The following TYR variants were observed in gnomAD, a reference collection of about 807,000 sequenced individuals.
The protein encoded by TYR is LB24-AB.
A neutral mutation model predicts 51.5 loss-of-function variants in TYR; 58 were observed. The ratio of observed to expected loss-of-function variants is 1.13; its 90% CI spans 0.91 to 1.40. The LOEUF is 1.40. Ranked by LOEUF, TYR falls within the 40% of genes most tolerant of loss-of-function variation. TYR has a pLI of 0.00. For missense variants in TYR, 732 were observed against 647.4 expected, an observed-to-expected ratio of 1.13 and a Z score of -1.42; for synonymous variants, 263 against 235.2, an observed-to-expected ratio of 1.12 and a Z score of -1.08.
intron 3 of TYR, among the ~76,000 whole-genome samples, chr11:89,264,735 CAAAA>C (rs11453031): frequency 1.5e-5 from 2 of 135,396 alleles, no homozygotes; most frequent in South Asian, 2.3e-4. Flanking sequence ...ACTATGCAGC[CAAAA>C]AAAAAAAACA....
chr11:89,179,409 T>G (rs889358945), intron 1 of TYR, among the ~76,000 whole-genome samples: 1 of 152,212 alleles, frequency 6.6e-6, no homozygotes, highest in Non-Finnish European at 1.5e-5. Context: ...ATGGCTAATA[T>G]TCATTGAACA....
intron 1 of TYR, among the ~76,000 whole-genome samples, chr11:89,187,951 A>G (rs563828471): frequency 1.9e-4 from 29 of 151,928 alleles, no homozygotes; most frequent in African/African-American, 6.7e-4. Context: ...CAAAAATATT[A>G]GCACTTTAAG....
chr11:89,272,749 C>T (rs660491), intron 3 of TYR, among the ~76,000 whole-genome samples: 1,792 of 152,036 alleles, frequency 0.012, 34 homozygotes, highest in African/African-American at 0.041. Flanking sequence ...TGGCTTTCAT[C>T]TCTTATCTTA....
At chr11:89,268,951 T>C (rs1944557690) in intron 3 of TYR, among the ~76,000 whole-genome samples, 1 of 152,018 alleles carries the variant, frequency 6.6e-6, no homozygotes, top group South Asian at 2.1e-4. Context: ...CTTTCTCGTT[T>C]CCCATCTGGT....
intron 4 of TYR, among the ~76,000 whole-genome samples, chr11:89,292,039 C>CT (rs767100084): frequency 5.4e-4 from 82 of 151,178 alleles, no homozygotes; most frequent in East Asian, 1.2e-3. Flanking sequence ...GGAATTAAGA[C>CT]TTTTTTTTTC....
At chr11:89,194,602 T>G (rs2135255865) in intron 2 of TYR, among the ~76,000 whole-genome samples, 1 of 152,320 alleles carries the variant, frequency 6.6e-6, no homozygotes, top group Admixed American at 6.5e-5. Context: ...CTTTTAAATT[T>G]ATTAGCCAAT....
chr11:89,254,747 A>G (rs1454846274), intron 3 of TYR, among the ~76,000 whole-genome samples: 2 of 151,526 alleles, frequency 1.3e-5, no homozygotes, highest in Non-Finnish European at 3.0e-5. Flanking sequence ...ATGCTCTATC[A>G]ATTTTATTTA....
chr11:89,253,683 G>A lies in TYR; in HGVS notation c.1184+25713G>A, dbSNP rs537580332. The stretch of plus-strand genomic sequence containing the variant: ...TTTGTGTACATTAATTTTGTATAAC[G>A]AAACTTTGCTGAATTCATTTATCAA... On this transcript the variant is annotated intron_variant, in intron 3 of 4. Coordinates refer to ENST00000263321, the MANE Select transcript of TYR (RefSeq NM_000372.5). Among the ~76,000 whole-genome samples the A allele has an allele frequency of 6.2e-5, 9 of 145,206 alleles. No homozygotes were observed. In the South Asian group the frequency reaches 1.0e-3, roughly 17 times the overall value.
At chr11:89,224,929 ATT>A (rs10671315) in intron 2 of TYR, among the ~76,000 whole-genome samples, 3,194 of 149,914 alleles carry the variant, frequency 0.021, 108 homozygotes, top group African/African-American at 0.072. Flanking sequence ...TGTAAAAACT[ATT>A]TTTTTTTTTG....
chr11:89,211,301 AG>A (rs913910592), intron 2 of TYR, among the ~76,000 whole-genome samples: 1 of 152,096 alleles, frequency 6.6e-6, no homozygotes, highest in Admixed American at 6.6e-5. Flanking sequence ...AAAAGAAAAA[AG>A]CAGGGGTTGC....
chr11:89,258,872 G>A (rs1944425455), intron 3 of TYR, among the ~76,000 whole-genome samples: 1 of 151,992 alleles, frequency 6.6e-6, no homozygotes, highest in Admixed American at 6.6e-5. Flanking sequence ...GCAGAGTGGG[G>A]AGCAGCCAGT....
At chr11:89,282,772 A>C (rs1448306518) in intron 3 of TYR, among the ~76,000 whole-genome samples, 1 of 151,746 alleles carries the variant, frequency 6.6e-6, no homozygotes, top group Non-Finnish European at 1.5e-5. Flanking sequence ...TCAGAATACT[A>C]ACCATCACTA....
At chr11:89,249,038 TA>T (rs948729941) in intron 3 of TYR, among the ~76,000 whole-genome samples, 1 of 152,080 alleles carries the variant, frequency 6.6e-6, no homozygotes, top group Non-Finnish European at 1.5e-5. Context: ...GGGTAAGTAA[TA>T]AATTTAGCAA....
At chr11:89,252,950 G>C (rs1334821785) in intron 3 of TYR, among the ~76,000 whole-genome samples, 2 of 151,736 alleles carry the variant, frequency 1.3e-5, no homozygotes, top group Non-Finnish European at 3.0e-5. Flanking sequence ...TGCTTCTGAA[G>C]TACAAAGTGG....
intron 3 of TYR, among the ~76,000 whole-genome samples, chr11:89,229,253 TAA>T (rs919354965): frequency 2.0e-5 from 3 of 151,994 alleles, no homozygotes; most frequent in Non-Finnish European, 4.4e-5. Flanking sequence ...CAGTCTGTGT[TAA>T]GTTTTATTCA....
chr11:89,232,288 G>C (rs1004653827), intron 3 of TYR, among the ~76,000 whole-genome samples: 4 of 143,018 alleles, frequency 2.8e-5, no homozygotes, highest in Non-Finnish European at 6.0e-5. Flanking sequence ...TAAAAGTTAC[G>C]TTTATGGAAT....
At chr11:89,255,215 T>G (rs1944375599) in intron 3 of TYR, among the ~76,000 whole-genome samples, 1 of 151,542 alleles carries the variant, frequency 6.6e-6, no homozygotes. Context: ...TTTATTAAGA[T>G]TTGTTTTGTG....
chr11:89,255,508 G>C (rs1475773693), intron 3 of TYR, among the ~76,000 whole-genome samples: 2 of 151,718 alleles, frequency 1.3e-5, no homozygotes, highest in African/African-American at 2.4e-5. Context: ...ATGTTTGGCA[G>C]AATTCACCAA....
At chr11:89,229,844 G>A (rs1944023894) in intron 3 of TYR, among the ~76,000 whole-genome samples, 1 of 151,942 alleles carries the variant, frequency 6.6e-6, no homozygotes, top group Non-Finnish European at 1.5e-5. Context: ...CCAAGAAAAT[G>A]AAAGATGTGT....
Sources: allele counts gnomAD v4.1 joint callset (sites outside exome capture counted in the v4.1 genomes callset), GRCh38; gene constraint gnomAD v4.1.1; transcripts MANE v1.5; gene names NCBI Gene and HGNC (gene_info 2026-07-23, HGNC 2026-07-21).